Variants in RAD54L2 observed in about 807,000 individuals in gnomAD.
RAD54L2 encodes the protein RAD54 like 2.
In RAD54L2, 27 loss-of-function variants were observed where a neutral mutation model predicts 138.4. That is an observed-to-expected ratio of 0.20 (90% confidence interval 0.14 to 0.27). The LOEUF (loss-of-function observed/expected upper bound fraction) is 0.27, where lower values mean the gene tolerates loss of function less well. Ranked by LOEUF, RAD54L2 falls within the 10% of genes least tolerant of loss-of-function variation. The probability of loss-of-function intolerance (pLI) is 1.00; values close to 1 mark genes in which losing one functional copy is unlikely to be tolerated. For synonymous variants in RAD54L2, 644 were observed against 723.2 expected, an observed-to-expected ratio of 0.89 and a Z score of 1.76; for missense variants, 1,396 against 1,890.2, an observed-to-expected ratio of 0.74 and a Z score of 4.85.
chr3:51,607,032 T>A (rs1027361931), intron 3 of RAD54L2, among the ~76,000 whole-genome samples: 12 of 148,626 alleles, frequency 8.1e-5, no homozygotes, highest in African/African-American at 2.7e-4. Flanking sequence ...ATTATATTTT[T>A]AAAAGATATC....
intron 3 of RAD54L2, among the ~76,000 whole-genome samples, chr3:51,605,582 A>G (rs1248896040): frequency 2.7e-5 from 4 of 148,052 alleles, no homozygotes; most frequent in Non-Finnish European, 4.4e-5. Context: ...CCTCCTTACT[A>G]GCTGGGATTA....
chr3:51,577,231 C>T (rs965642970), intron 2 of RAD54L2, among the ~76,000 whole-genome samples: 2 of 152,194 alleles, frequency 1.3e-5, no homozygotes, highest in East Asian at 1.9e-4. Context: ...AATTTCTGTT[C>T]GTTTACATTT....
intron 3 of RAD54L2, among the ~76,000 whole-genome samples, chr3:51,620,180 C>A (rs1700537141): frequency 6.6e-6 from 1 of 151,742 alleles, no homozygotes; most frequent in South Asian, 2.1e-4. Context: ...TCCCTGTAGC[C>A]TCAACTTCCT....
chr3:51,545,720 C>T (rs1553672139), intron 2 of RAD54L2, among the ~76,000 whole-genome samples: 1 of 151,862 alleles, frequency 6.6e-6, no homozygotes, highest in East Asian at 1.9e-4. Flanking sequence ...GCTGGGAGTA[C>T]AGGCATGCAT....
intron 3 of RAD54L2, among the ~76,000 whole-genome samples, chr3:51,618,212 C>T (rs545808335): frequency 9.9e-4 from 149 of 150,998 alleles, no homozygotes; most frequent in Non-Finnish European, 1.8e-3. Flanking sequence ...CTCCTGACCT[C>T]GTGATCTGCC....
At chr3:51,566,481 T>G (rs1169020295) in intron 2 of RAD54L2, among the ~76,000 whole-genome samples, 1 of 135,578 alleles carries the variant, frequency 7.4e-6, no homozygotes, top group African/African-American at 2.8e-5. Context: ...TTTTTTTTTT[T>G]TTTTTTTTTT....
chr3:51,598,791 G>A (rs931652553), intron 3 of RAD54L2, among the ~76,000 whole-genome samples: 2 of 152,084 alleles, frequency 1.3e-5, no homozygotes, highest in Admixed American at 1.3e-4. Context: ...TGAGTTTGGA[G>A]AGCTTATGGA....
At chr3:51,648,210 A>G (rs1701336053) in intron 19 of RAD54L2, among the ~76,000 whole-genome samples, 1 of 152,202 alleles carries the variant, frequency 6.6e-6, no homozygotes, top group Non-Finnish European at 1.5e-5. Context: ...CAGCAGTCCA[A>G]GATCAAACTG....
intron 3 of RAD54L2, among the ~76,000 whole-genome samples, chr3:51,604,990 C>T (rs568414364): frequency 1.8e-4 from 28 of 151,560 alleles, no homozygotes; most frequent in African/African-American, 6.5e-4. Context: ...GGCGTGATCT[C>T]GGCCCACTGC....
intron 21 of RAD54L2, among the ~76,000 whole-genome samples, chr3:51,658,715 A>G (rs1383112182): frequency 6.6e-6 from 1 of 152,120 alleles, no homozygotes; most frequent in African/African-American, 2.4e-5. Flanking sequence ...AGTGCCATGA[A>G]ATACCCAGAC....
chr3:51,654,951 T>C (rs1176950655), intron 19 of RAD54L2, among the ~76,000 whole-genome samples: 1 of 152,170 alleles, frequency 6.6e-6, no homozygotes, highest in Non-Finnish European at 1.5e-5. Context: ...CATTGATACC[T>C]GACCAGGGCC....
intron 2 of RAD54L2, among the ~76,000 whole-genome samples, chr3:51,543,476 C>T (rs976353071): frequency 1.3e-4 from 20 of 152,050 alleles, no homozygotes; most frequent in Non-Finnish European, 2.8e-4. Flanking sequence ...GGCATAGTGG[C>T]GCATGCCTGT....
At chr3:51,568,177 C>G (rs1362880301) in intron 2 of RAD54L2, among the ~76,000 whole-genome samples, 1 of 152,052 alleles carries the variant, frequency 6.6e-6, no homozygotes, top group Non-Finnish European at 1.5e-5. Context: ...TTATAATGTT[C>G]TGCAGCTGTC....
chr3:51,547,192 T>A lies in RAD54L2; in HGVS notation c.-55+5542T>A, dbSNP rs1287876700. Among the ~76,000 whole-genome samples the A allele has an allele frequency of 3.3e-5, 5 of 151,826 alleles. No homozygotes were observed. In the South Asian group the frequency reaches 8.3e-4, roughly 25 times the overall value. ...GTGAGAGCTTGTCTCTACAAAAAAA[T>A]TAAATAAAAATTAGCTGGGCAAGGT... On this transcript the variant is annotated intron_variant, in intron 2 of 22. Transcript: ENST00000684192.
At chr3:51,565,613 C>T (rs1268489601) in intron 2 of RAD54L2, among the ~76,000 whole-genome samples, 4 of 152,052 alleles carry the variant, frequency 2.6e-5, no homozygotes, top group African/African-American at 4.8e-5. Context: ...GCTAGGATTA[C>T]AGGTGCGTGC....
intron 2 of RAD54L2, among the ~76,000 whole-genome samples, chr3:51,570,691 G>T (rs1389104528): frequency 1.3e-5 from 2 of 149,576 alleles, no homozygotes; most frequent in African/African-American, 4.9e-5. Flanking sequence ...TCTTGACCTT[G>T]TGATCCGCCT....
intron 2 of RAD54L2, among the ~76,000 whole-genome samples, chr3:51,585,185 CA>C (rs1428067947): frequency 4.0e-5 from 6 of 151,404 alleles, no homozygotes; most frequent in Non-Finnish European, 7.4e-5. Flanking sequence ...AGATATTCTT[CA>C]AGAAAAAAAA....
chr3:51,564,635 G>A (rs1015585781), intron 2 of RAD54L2, among the ~76,000 whole-genome samples: 1 of 152,248 alleles, frequency 6.6e-6, no homozygotes, highest in Non-Finnish European at 1.5e-5. Flanking sequence ...CACTGGCTCA[G>A]GCCAGGTGCA....
intron 3 of RAD54L2, chr3:51,611,708 GC>G (rs1028212623): frequency 6.6e-6 from 1 of 152,020 alleles, no homozygotes; most frequent in African/African-American, 2.4e-5. Context: ...ACAGGTGCCA[GC>G]CACCACGCCC....
Sources: gnomAD v4.1 joint callset for allele counts (sites outside exome capture counted in the v4.1 genomes callset) on GRCh38, gnomAD v4.1.1 for gene constraint, MANE v1.5 for transcripts, NCBI Gene and HGNC (gene_info 2026-07-23, HGNC 2026-07-21) for gene names.